Variants in TNN observed in about 807,000 individuals in gnomAD.
The protein encoded by TNN is tenascin-N.
TNN carries 122 observed loss-of-function variants against 134.4 expected under a neutral mutation model. The ratio of observed to expected loss-of-function variants is 0.91; its 90% CI spans 0.78 to 1.06. The LOEUF is 1.06. Ranked by LOEUF, TNN falls within the 50% of genes least tolerant of loss-of-function variation. The pLI is 0.00. For missense variants in TNN, 1,739 were observed against 1,699.4 expected (o/e 1.02, Z -0.41); for synonymous variants, 710 against 670.3 (o/e 1.06, Z -0.91).
chr1:175,074,062 G>T (rs10912879), intron 1 of TNN, among the ~76,000 whole-genome samples: 1 of 151,878 alleles, frequency 6.6e-6, no homozygotes, highest in Non-Finnish European at 1.5e-5. Context: ...GCCTGTTCCA[G>T]CCAAGCTTCC....
Position 175,128,108 on chromosome 1 carries a change from T to G in TNN, c.3122T>G (p.Leu1041Arg). Residue 1041 changes from leucine to arginine, a missense_variant, in exon 14 of 19, where the codon CTT becomes CGT. By Grantham distance (102) the Leu-to-Arg change is moderately radical (BLOSUM62 -2). Coordinates refer to ENST00000239462, the MANE Select transcript of TNN (RefSeq NM_022093.2). ...LEQGATYPVS[L>R]VAFKGGRRSR... is the part of the protein sequence containing the mutation. The stretch of plus-strand genomic sequence containing the variant: ...CAAGGCGCCACCTACCCTGTCTCCC[T>G]TGTTGCCTTTAAGGGTGGTCGCCGG... The G allele has an allele frequency of 6.2e-7, 1 of 1,613,928 alleles. No individual in the cohort carries two copies. The highest frequency in any genetic ancestry group is 8.5e-7 in the Non-Finnish European group (1 of 1,179,880).
At chr1:175,122,783 A>G (rs1490960212) in intron 11 of TNN, among the ~76,000 whole-genome samples, 1 of 152,228 alleles carries the variant, frequency 6.6e-6, no homozygotes, top group African/African-American at 2.4e-5. Flanking sequence ...AAATGGAATG[A>G]TACGGGAGAG....
chr1:175,080,541 G>A, intron 4 of TNN, 115 bp downstream of exon 4: 2 of 1,259,834 alleles, frequency 1.6e-6, no homozygotes, highest in East Asian at 2.3e-5. Flanking sequence ...AAACACACCT[G>A]CCACAATCCT....
chr1:175,080,093 G>T, intron 3 of TNN, 70 bp from the exon 4 acceptor site: 1 of 1,582,816 alleles, frequency 6.3e-7, no homozygotes. Context: ...ATAGTGCTCA[G>T]GGAATACTCA....
Position 175,083,791 on chromosome 1 carries a change from G to A in TNN, c.1090G>A (p.Glu364Lys), listed in dbSNP as rs1348463632. ...LGTAWVTDET[E>K]NSLDVEWENP... ...CACTGCCTGGGTGACAGATGAGACTGAGAACTCCCTTGACGTGGAGTGGGA... is the reference window on the plus strand; with the variant it reads ...CACTGCCTGGGTGACAGATGAGACTAAGAACTCCCTTGACGTGGAGTGGGA... The change falls in exon 5 of 19, where the codon GAG (glutamate) becomes AAG (lysine). Residue 364 changes from glutamate to lysine, a missense_variant. Transcript: ENST00000239462. The A allele has an allele frequency of 2.5e-6, 4 of 1,614,060 alleles. No individual in the cohort carries two copies. Among genetic ancestry groups the A allele is most frequent in the Non-Finnish European group, 2.5e-6 (3 of 1,180,034 alleles).
At position 175,068,876 on chromosome 1, in the gene TNN, C is replaced by T. The variant is rs1558343905; in HGVS notation, c.-36+941C>T. On this transcript the variant is annotated intron_variant, in intron 1 of 18. Coordinates refer to ENST00000239462, the MANE Select transcript of TNN (RefSeq NM_022093.2). ...TGAGCCGAGATTGAACCATTGCACTCCAGCCTGGGCAACAAGAGCAAAACT... is the reference window on the plus strand; with the variant it reads ...TGAGCCGAGATTGAACCATTGCACTTCAGCCTGGGCAACAAGAGCAAAACT... 2.0e-5 allele frequency among the ~76,000 whole-genome samples: 3 copies of T among 152,296 alleles called. No homozygotes were observed. In the South Asian group the frequency reaches 6.2e-4, roughly 32 times the overall value.
At chr1:175,137,314 GTCTT>G (rs1482542007) in intron 17 of TNN, among the ~76,000 whole-genome samples, 1 of 151,578 alleles carries the variant, frequency 6.6e-6, no homozygotes, top group Non-Finnish European at 1.5e-5. Flanking sequence ...ATGCTTGTCA[GTCTT>G]TCATTCGGCT....
chr1:175,077,417 G>A lies in TNN; in HGVS notation c.-2G>A. 1 of 1,608,988 alleles carries A rather than the reference G, an allele frequency of 6.2e-7. No homozygotes were observed. The highest frequency in any genetic ancestry group is 8.5e-7 in the Non-Finnish European group (1 of 1,176,792). ...GAGGGTCTGCTCCCTGTCTTTCCAA[G>A]GATGAGTCTCCAGGAGATGTTCCGC... On this transcript the variant is annotated 5_prime_UTR_variant, in exon 2 of 19. Coordinates refer to ENST00000239462, the MANE Select transcript of TNN (RefSeq NM_022093.2).
intron 1 of TNN, among the ~76,000 whole-genome samples, chr1:175,076,009 T>C (rs958698866): frequency 3.9e-5 from 6 of 152,170 alleles, no homozygotes; most frequent in African/African-American, 1.4e-4. Flanking sequence ...GCTCTGCAGA[T>C]CACTTTCTAG....
At chr1:175,120,812 A>G (rs1168996538) in intron 11 of TNN, among the ~76,000 whole-genome samples, 1 of 152,074 alleles carries the variant, frequency 6.6e-6, no homozygotes, top group Non-Finnish European at 1.5e-5. Context: ...TTTTTATTTT[A>G]TTTTCAGAGA....
intron 1 of TNN, among the ~76,000 whole-genome samples, chr1:175,070,390 A>C (rs1574135491): frequency 6.6e-6 from 1 of 152,296 alleles, no homozygotes; most frequent in Admixed American, 6.5e-5. Context: ...TCAGGACACC[A>C]TCCTTGATCT....
intron 11 of TNN, among the ~76,000 whole-genome samples, chr1:175,119,409 T>G (rs1675284175): frequency 6.6e-6 from 1 of 152,150 alleles, no homozygotes. Flanking sequence ...GCCGGCTTCT[T>G]TACTGCAGGC....
At chr1:175,115,771 G>T (rs1370424563) in intron 9 of TNN, among the ~76,000 whole-genome samples, 3 of 152,210 alleles carry the variant, frequency 2.0e-5, no homozygotes, top group Non-Finnish European at 1.5e-5. Flanking sequence ...CCTGTAGGCA[G>T]CTCCCTCAGC....
intron 6 of TNN, among the ~76,000 whole-genome samples, chr1:175,092,676 A>G (rs1674480383): frequency 6.6e-6 from 1 of 152,162 alleles, no homozygotes; most frequent in African/African-American, 2.4e-5. Context: ...TGGCTCTACC[A>G]CTTAATGTAT....
In TNN at chr1:175,080,254, C is replaced by T; in HGVS notation, c.876C>T (p.Leu292=). 1.2e-6 allele frequency: 2 copies of T among 1,614,156 alleles called. No individual in the cohort carries two copies. Among genetic ancestry groups the T allele is most frequent in the Non-Finnish European group, 1.7e-6 (2 of 1,180,020 alleles). ...CCTCCAGCCAGGTGGATCACTACCT[C>T]CTCAGCTACTACCCCCTGGGGAAGG... ...WEPSSQVDHY[L]LSYYPLGKEL... The change falls in exon 4 of 19, where the codon CTC becomes CTT. Residue 292 remains leucine, a synonymous_variant. Coordinates refer to ENST00000239462, the MANE Select transcript of TNN (RefSeq NM_022093.2).
At chr1:175,101,876 G>T (rs996856102) in intron 9 of TNN, among the ~76,000 whole-genome samples, 3 of 147,964 alleles carry the variant, frequency 2.0e-5, no homozygotes, top group African/African-American at 7.3e-5. Context: ...AACAGAGGGT[G>T]CTGATTGGTG....
At chr1:175,141,902 A>G (rs1436377395) in intron 17 of TNN, among the ~76,000 whole-genome samples, 1 of 151,928 alleles carries the variant, frequency 6.6e-6, no homozygotes, top group East Asian at 1.9e-4. Context: ...GCAGAAAAAG[A>G]CCTCCCACAT....
At chr1:175,080,687 C>T (rs2149427518) in intron 4 of TNN, among the ~76,000 whole-genome samples, 1 of 152,226 alleles carries the variant, frequency 6.6e-6, no homozygotes, top group South Asian at 2.1e-4. Flanking sequence ...TCTGCACCTT[C>T]TCATAAGCAG....
In TNN at chr1:175,123,447, A is replaced by G. The variant is rs750616827; in HGVS notation, c.2698A>G (p.Met900Val). ...AGTGACTGACTGGGTGACGGAGAAT[A>G]TGGCCACTGTCTCCTGGGACCCGGT... ...NLVTDWVTEN[M>V]ATVSWDPVQA... The change falls in exon 12 of 19, where the codon ATG becomes GTG. Residue 900 changes from methionine (M) to valine (V), a missense_variant. Physicochemically the swap from Met to Val is conservative, Grantham distance 21. Transcript: ENST00000239462. The G allele has an allele frequency of 1.9e-6, 3 of 1,614,236 alleles. No individual in the cohort carries two copies. The South Asian group carries it at 3.3e-5, about 18-fold the overall frequency.
Sources: gnomAD v4.1 joint callset for allele counts (sites outside exome capture counted in the v4.1 genomes callset) on GRCh38, gnomAD v4.1.1 for gene constraint, MANE v1.5 for transcripts, NCBI Gene and HGNC (gene_info 2026-07-23, HGNC 2026-07-21) for gene names.